Variants in TMEM156 observed in about 807,000 individuals in gnomAD.
TMEM156 encodes the protein transmembrane protein 156.
A neutral mutation model predicts 30.5 loss-of-function variants in TMEM156; 28 were observed. The ratio of observed to expected loss-of-function variants is 0.92; its 90% CI spans 0.68 to 1.26. TMEM156 has a LOEUF of 1.26. Among genes scored for constraint, TMEM156 ranks in the 50% most tolerant of loss-of-function variants. The pLI, the probability that TMEM156 is intolerant of heterozygous loss-of-function variation, is 0.00. For synonymous variants in TMEM156, 137 were observed against 119.9 expected, an observed-to-expected ratio of 1.14 and a Z score of -0.93; for missense variants, 351 against 340.6, an observed-to-expected ratio of 1.03 and a Z score of -0.24.
chr4:38,983,468 G>A (rs1479954407), intron 5 of TMEM156, among the ~76,000 whole-genome samples: 2 of 152,052 alleles, frequency 1.3e-5, no homozygotes, highest in African/African-American at 2.4e-5. Flanking sequence ...GTGTGACCTC[G>A]GCTCACTGCA....
In TMEM156 at chr4:38,993,830, C is replaced by A; in HGVS notation, c.527G>T (p.Ser176Ile). 1 of 1,614,048 alleles carries A rather than the reference C, an allele frequency of 6.2e-7. No homozygotes were observed. The highest frequency in any genetic ancestry group is 8.5e-7 in the Non-Finnish European group (1 of 1,179,972). Residue 176 changes from serine to isoleucine, a missense_variant, in exon 3 of 7, where the codon AGC becomes ATC. Physicochemically the swap from Ser to Ile is moderately radical, Grantham distance 142 (BLOSUM62 -2). Transcript: ENST00000381938. ...GRSTIMEDEP[S>I]KEKSINYTCR... ...AGTGTAGTTTATCGATTTCTCCTTG[C>A]TTGGCTCATCCTCCATGATTGTTGA...
At chr4:38,976,243 A>C (rs1436771401) in intron 5 of TMEM156, among the ~76,000 whole-genome samples, 1 of 148,464 alleles carries the variant, frequency 6.7e-6, no homozygotes, top group Non-Finnish European at 1.5e-5. Flanking sequence ...GTGAGCCAAG[A>C]TCATGCCACT....
intron 5 of TMEM156, among the ~76,000 whole-genome samples, chr4:38,984,935 G>A (rs1362468204): frequency 6.6e-6 from 1 of 152,156 alleles, no homozygotes; most frequent in East Asian, 1.9e-4. Context: ...ACAACTTTGC[G>A]AGGTTAGTCT....
chr4:38,977,320 T>G (rs995378916), intron 5 of TMEM156, among the ~76,000 whole-genome samples: 1 of 152,230 alleles, frequency 6.6e-6, no homozygotes, highest in African/African-American at 2.4e-5. Context: ...CTGGTTTGGC[T>G]GGTGTTTGCT....
intron 1 of TMEM156, among the ~76,000 whole-genome samples, chr4:39,020,797 C>T (rs772488932): frequency 7.2e-5 from 11 of 152,118 alleles, no homozygotes; most frequent in Non-Finnish European, 1.6e-4. Context: ...ATCTGCCCAC[C>T]TCAGCCTCCC....
At chr4:39,023,851 TTAAAAAA>T (rs955751034) in intron 1 of TMEM156, among the ~76,000 whole-genome samples, 23 of 152,048 alleles carry the variant, frequency 1.5e-4, no homozygotes, top group Non-Finnish European at 2.8e-4. Flanking sequence ...GAGACTCCGT[TTAAAAAA>T]TAAAAAATAA....
At chr4:39,016,821 G>A (rs756682636) in intron 1 of TMEM156, among the ~76,000 whole-genome samples, 27 of 152,054 alleles carry the variant, frequency 1.8e-4, no homozygotes, top group Non-Finnish European at 3.7e-4. Context: ...CTATTCTCAC[G>A]CTGCTAATAA....
intron 4 of TMEM156, 46 bp downstream of exon 4, chr4:38,988,805 A>G (rs1339226349): frequency 5.6e-6 from 9 of 1,610,938 alleles, no homozygotes; most frequent in East Asian, 2.2e-5. Context: ...AATGAAATCC[A>G]TAGAAGAGAT....
intron 2 of TMEM156, among the ~76,000 whole-genome samples, chr4:38,994,664 T>G (rs1174690238): frequency 6.6e-6 from 1 of 152,088 alleles, no homozygotes. Context: ...GAACAGAAGT[T>G]TGGGCCAAGC....
At chr4:38,985,110 A>T (rs1711885361) in intron 5 of TMEM156, among the ~76,000 whole-genome samples, 1 of 152,260 alleles carries the variant, frequency 6.6e-6, no homozygotes, top group African/African-American at 2.4e-5. Flanking sequence ...GAACTGTGTT[A>T]AAACTGTCCT....
chr4:38,988,836 A>G lies in TMEM156; in HGVS notation c.739+15T>C. On this transcript the variant is annotated intron_variant, in intron 4 of 6. Coordinates refer to ENST00000381938, the MANE Select transcript of TMEM156 (RefSeq NM_024943.3). ...GAGATCAGGAGTTCCTCGGCACTAC[A>G]GGGATTATACTTACTCTGCCACTTT... 2 of 1,613,922 alleles carry G rather than the reference A, an allele frequency of 1.2e-6. No homozygotes were observed. Among genetic ancestry groups the G allele is most frequent in the Non-Finnish European group, 1.7e-6 (2 of 1,179,894 alleles).
At chr4:38,997,434 T>C (rs770745988) in intron 2 of TMEM156, among the ~76,000 whole-genome samples, 1 of 151,888 alleles carries the variant, frequency 6.6e-6, no homozygotes, top group Non-Finnish European at 1.5e-5. Flanking sequence ...TAATGATATA[T>C]TTTTTAAAAG....
intron 2 of TMEM156, among the ~76,000 whole-genome samples, chr4:38,994,245 C>A (rs1204057391): frequency 5.3e-5 from 8 of 152,120 alleles, no homozygotes; most frequent in East Asian, 1.9e-4. Flanking sequence ...CCACCTTAGC[C>A]TCCTGAGTAG....
At chr4:38,992,717 T>TA (rs1256560317) in intron 3 of TMEM156, among the ~76,000 whole-genome samples, 2 of 43,450 alleles carry the variant, frequency 4.6e-5, no homozygotes, top group Non-Finnish European at 1.0e-4. Flanking sequence ...ATATATTATA[T>TA]ATATATAATA....
intron 1 of TMEM156, among the ~76,000 whole-genome samples, chr4:39,010,019 C>T (rs1714003527): frequency 6.6e-6 from 1 of 152,002 alleles, no homozygotes; most frequent in Admixed American, 6.6e-5. Context: ...GAAAAGACTC[C>T]TAGATCTAAT....
chr4:39,031,870 C>A (rs1415114304), intron 1 of TMEM156, among the ~76,000 whole-genome samples: 1 of 112,938 alleles, frequency 8.9e-6, no homozygotes, highest in Admixed American at 1.2e-4. Flanking sequence ...GCGACAGAGA[C>A]TCCATCTCAA....
intron 1 of TMEM156, among the ~76,000 whole-genome samples, chr4:39,020,033 A>G (rs1415617486): frequency 6.6e-6 from 1 of 152,170 alleles, no homozygotes; most frequent in Non-Finnish European, 1.5e-5. Context: ...TTACGACTCC[A>G]TATATAGTGA....
At chr4:38,976,275 G>A (rs553183326) in intron 5 of TMEM156, among the ~76,000 whole-genome samples, 56 of 129,842 alleles carry the variant, frequency 4.3e-4, no homozygotes, top group African/African-American at 1.7e-3. Flanking sequence ...TGGTGACAGA[G>A]CTAGACTCCG....
At chr4:39,025,345 C>CAAAAAAA (rs59380844) in intron 1 of TMEM156, among the ~76,000 whole-genome samples, 1 of 65,776 alleles carries the variant, frequency 1.5e-5, no homozygotes, top group African/African-American at 6.7e-5. Context: ...AAGACTGTCT[C>CAAAAAAA]AAAAAAAAAA....
Sources: allele counts gnomAD v4.1 joint callset (sites outside exome capture counted in the v4.1 genomes callset), GRCh38; gene constraint gnomAD v4.1.1; transcripts MANE v1.5; gene names NCBI Gene and HGNC (gene_info 2026-07-23, HGNC 2026-07-21).